Variants in RBFOX2 observed in about 807,000 individuals in gnomAD.
RBFOX2 encodes the protein RNA binding protein fox-1 homolog 2.
RBFOX2 carries 10 observed loss-of-function variants against 49.1 expected under a neutral mutation model. The ratio of observed to expected loss-of-function variants is 0.20; its 90% CI spans 0.13 to 0.35. The LOEUF (loss-of-function observed/expected upper bound fraction) is 0.35, where lower values mean the gene tolerates loss of function less well. RBFOX2 is among the 10% of genes least tolerant of loss of function. The pLI is 1.00. For missense variants in RBFOX2, 323 were observed against 486.9 expected (o/e 0.66, Z 3.17); for synonymous variants, 183 against 187.4 (o/e 0.98, Z 0.19).
intron 1 of RBFOX2, among the ~76,000 whole-genome samples, chr22:35,948,125 C>T (rs867689610): frequency 2.0e-5 from 3 of 152,084 alleles, no homozygotes; most frequent in Non-Finnish European, 4.4e-5. Flanking sequence ...TACATGTTTC[C>T]ATGTTTAGAT....
chr22:35,754,730 T>C (rs1936332295), intron 9 of RBFOX2, among the ~76,000 whole-genome samples: 1 of 152,210 alleles, frequency 6.6e-6, no homozygotes, highest in Non-Finnish European at 1.5e-5. Context: ...TTGTTGAAAA[T>C]ATTTTGAGGA....
At chr22:35,836,692 T>A (rs769161706) in intron 1 of RBFOX2, among the ~76,000 whole-genome samples, 26 of 152,264 alleles carry the variant, frequency 1.7e-4, no homozygotes, top group Admixed American at 1.1e-3. Context: ...CTGGCAGTCT[T>A]ATACCATAGT....
At chr22:36,006,085 C>T (rs1459045841) in intron 1 of RBFOX2, among the ~76,000 whole-genome samples, 2 of 152,186 alleles carry the variant, frequency 1.3e-5, no homozygotes, top group African/African-American at 4.8e-5. Context: ...TCAAAATGTG[C>T]AAATATATAG....
At chr22:35,765,722 G>T (rs908912893) in intron 5 of RBFOX2, among the ~76,000 whole-genome samples, 1 of 152,036 alleles carries the variant, frequency 6.6e-6, no homozygotes, top group Non-Finnish European at 1.5e-5. Flanking sequence ...GTACTCCAAA[G>T]AAAATACATT....
chr22:35,972,460 C>T (rs956780996), intron 1 of RBFOX2, among the ~76,000 whole-genome samples: 3 of 152,084 alleles, frequency 2.0e-5, no homozygotes, highest in South Asian at 2.1e-4. Context: ...GGGACTTACC[C>T]GGTACTGTGG....
At position 35,768,410 on chromosome 22, in the gene RBFOX2, T is replaced by C. The variant is rs544451983; in HGVS notation, c.454-61A>G. 7 of 1,407,146 alleles carry C rather than the reference T, an allele frequency of 5.0e-6. No homozygotes were observed. In the Admixed American group the frequency reaches 1.1e-4, roughly 21 times the overall value. The allele number at this position is 1,407,146 out of a possible 1,614,324, so 87.2% of individuals were successfully genotyped here. A position where few individuals can be genotyped will look rare whatever the true frequency, so the allele number is the denominator to read the frequency against. The stretch of plus-strand genomic sequence containing the variant: ...ATCGTTATATTGAAATACTGATCTC[T>C]TGGTAAATAGAGAAAAAATATCATA... On this transcript the variant is annotated intron_variant, in intron 4 of 11. Coordinates refer to ENST00000405409, the Ensembl canonical transcript of RBFOX2.
At chr22:36,016,053 A>T (rs2059021781) in intron 1 of RBFOX2, among the ~76,000 whole-genome samples, 1 of 152,142 alleles carries the variant, frequency 6.6e-6, no homozygotes, top group African/African-American at 2.4e-5. Context: ...AAATGGAACC[A>T]ACGTCCTCCT....
chr22:35,970,847 A>G (rs1405323083), intron 1 of RBFOX2, among the ~76,000 whole-genome samples: 1 of 152,192 alleles, frequency 6.6e-6, no homozygotes, highest in Non-Finnish European at 1.5e-5. Flanking sequence ...AGCTGAGTGG[A>G]TTAGAATAAA....
chr22:35,985,229 A>G (rs2057650167), intron 1 of RBFOX2, among the ~76,000 whole-genome samples: 1 of 152,232 alleles, frequency 6.6e-6, no homozygotes, highest in South Asian at 2.1e-4. Flanking sequence ...AAGAAAGGCA[A>G]AAGTAAAATA....
At chr22:35,986,413 C>T (rs551817117) in intron 1 of RBFOX2, among the ~76,000 whole-genome samples, 1 of 152,124 alleles carries the variant, frequency 6.6e-6, no homozygotes, top group Non-Finnish European at 1.5e-5. Flanking sequence ...AAAGGCAACA[C>T]AAGCTCACTG....
chr22:35,744,077 G>GT (rs555384019), exon 12 of RBFOX2: 1,476 of 767,946 alleles, frequency 1.9e-3, no homozygotes, highest in South Asian at 4.1e-3. Flanking sequence ...CTTTTTTTGT[G>GT]TTTTTTTTTG....
intron 1 of RBFOX2, among the ~76,000 whole-genome samples, chr22:35,972,887 G>A (rs956811188): frequency 2.6e-5 from 4 of 152,110 alleles, no homozygotes; most frequent in Admixed American, 2.0e-4. Context: ...AGCCATCTGG[G>A]CCCAGCAAAC....
intron 1 of RBFOX2, among the ~76,000 whole-genome samples, chr22:35,916,872 A>T (rs2149553291): frequency 6.6e-6 from 1 of 151,920 alleles, no homozygotes; most frequent in South Asian, 2.1e-4. Context: ...CTCTATCTGA[A>T]AAATTTAAAA....
At chr22:35,836,617 T>A (rs1384992945) in intron 1 of RBFOX2, among the ~76,000 whole-genome samples, 1 of 152,190 alleles carries the variant, frequency 6.6e-6, no homozygotes, top group East Asian at 1.9e-4. Context: ...AAAACAGATT[T>A]TGAAGAAAAT....
At chr22:35,959,076 C>G (rs2055915550) in intron 1 of RBFOX2, among the ~76,000 whole-genome samples, 1 of 152,098 alleles carries the variant, frequency 6.6e-6, no homozygotes. Flanking sequence ...TGAGACTCCA[C>G]TGGTGGCCCT....
At chr22:36,025,851 A>G (rs2146596328) in intron 1 of RBFOX2, among the ~76,000 whole-genome samples, 1 of 152,264 alleles carries the variant, frequency 6.6e-6, no homozygotes, top group East Asian at 1.9e-4. Flanking sequence ...TTTACAACTA[A>G]GGAAAACAGA....
intron 1 of RBFOX2, among the ~76,000 whole-genome samples, chr22:36,024,869 G>A (rs1603469171): frequency 6.6e-6 from 1 of 151,786 alleles, no homozygotes; most frequent in African/African-American, 2.4e-5. Flanking sequence ...GTGCAATGGC[G>A]CAACCTCAGC....
At chr22:36,017,949 A>G (rs2059106397) in intron 1 of RBFOX2, among the ~76,000 whole-genome samples, 1 of 152,226 alleles carries the variant, frequency 6.6e-6, no homozygotes, top group Non-Finnish European at 1.5e-5. Context: ...CCTGATATCA[A>G]TGAAAAGATC....
chr22:36,022,613 C>G (rs1341466452), intron 1 of RBFOX2, among the ~76,000 whole-genome samples: 2 of 152,200 alleles, frequency 1.3e-5, no homozygotes. Flanking sequence ...ATTTACCACT[C>G]TGGTAGTGTT....
Sources: gnomAD v4.1 joint callset for allele counts (sites outside exome capture counted in the v4.1 genomes callset) on GRCh38, gnomAD v4.1.1 for gene constraint, MANE v1.5 for transcripts, NCBI Gene and HGNC (gene_info 2026-07-23, HGNC 2026-07-21) for gene names.